Variants in SLC4A10 observed in about 807,000 individuals in gnomAD.
The protein encoded by SLC4A10 is sodium-driven chloride bicarbonate exchanger.
A neutral mutation model predicts 137.7 loss-of-function variants in SLC4A10; 42 were observed. The observed-to-expected ratio is 0.30, with a 90% CI of 0.24 to 0.39. The LOEUF (loss-of-function observed/expected upper bound fraction) is 0.39, where lower values mean the gene tolerates loss of function less well. Ranked by LOEUF, SLC4A10 falls within the 10% of genes least tolerant of loss-of-function variation. The pLI is 1.00. For synonymous variants in SLC4A10, 474 were observed against 464.1 expected, an observed-to-expected ratio of 1.02 and a Z score of -0.27; for missense variants, 925 against 1,355.0, an observed-to-expected ratio of 0.68 and a Z score of 4.98.
intron 1 of SLC4A10, among the ~76,000 whole-genome samples, chr2:161,638,935 A>T (rs2034871784): frequency 6.6e-6 from 1 of 152,034 alleles, no homozygotes; most frequent in Non-Finnish European, 1.5e-5. Context: ...AAATAAATAA[A>T]ATCAGAGATA....
Position 161,983,353 on chromosome 2 carries a change from C to A in SLC4A10, c.*201C>A. Reference sequence around the variant, plus strand: ...ATTCTGTCCCTCAACCCAAATCCACCTTCATACTGTAAGTAGTGCAATACT... The same window carrying A: ...ATTCTGTCCCTCAACCCAAATCCACATTCATACTGTAAGTAGTGCAATACT... On this transcript the variant is annotated 3_prime_UTR_variant, in exon 27 of 27. Transcript: ENST00000446997. 1.1e-6 allele frequency: 1 copy of A among 948,674 alleles called. No individual in the cohort carries two copies. The highest frequency in any genetic ancestry group is 1.6e-6 in the Non-Finnish European group (1 of 634,930). 58.8% of individuals were successfully genotyped at this position (948,674 alleles called of 1,614,324 possible).
At chr2:161,878,576 T>A (rs1443841113) in intron 8 of SLC4A10, among the ~76,000 whole-genome samples, 1 of 152,102 alleles carries the variant, frequency 6.6e-6, no homozygotes, top group Non-Finnish European at 1.5e-5. Context: ...CATATCTAAA[T>A]TCTCAGATGA....
chr2:161,897,859 A>T (rs1356457811), intron 11 of SLC4A10, among the ~76,000 whole-genome samples: 6 of 152,136 alleles, frequency 3.9e-5, no homozygotes, highest in Non-Finnish European at 7.4e-5. Context: ...AAATATTAAT[A>T]CATTCAGAAT....
At position 161,756,012 on chromosome 2, in the gene SLC4A10, A is replaced by AC. The variant is rs562929569; in HGVS notation, c.49-14955dup. ...TCTCGAACTCCTGACCTTGTGATCC[A>AC]CCCCCCTCAGCCTCCCAAAGTGCTG... On this transcript the variant is annotated intron_variant, in intron 1 of 26. Transcript: ENST00000446997. 6.4e-3 allele frequency among the ~76,000 whole-genome samples: 962 copies of AC among 150,850 alleles called. 11 individuals carry two copies. The highest frequency in any genetic ancestry group is 0.022 in the African/African-American group (903 of 41,074).
intron 2 of SLC4A10, among the ~76,000 whole-genome samples, chr2:161,802,250 T>C (rs1227219112): frequency 6.6e-6 from 1 of 152,096 alleles, no homozygotes; most frequent in Non-Finnish European, 1.5e-5. Flanking sequence ...CATCCGTTCT[T>C]AAAATATACA....
At chr2:161,966,269 A>G (rs11901687) in intron 23 of SLC4A10, among the ~76,000 whole-genome samples, 1 of 152,058 alleles carries the variant, frequency 6.6e-6, no homozygotes, top group Non-Finnish European at 1.5e-5. Flanking sequence ...CCACAGATAG[A>G]GATTCATCAT....
chr2:161,785,815 A>G (rs2053561222), intron 2 of SLC4A10, among the ~76,000 whole-genome samples: 1 of 151,986 alleles, frequency 6.6e-6, no homozygotes, highest in South Asian at 2.1e-4. Context: ...CTTCCATTCA[A>G]CATAGTACTA....
At chr2:161,794,668 G>A (rs2054563728) in intron 2 of SLC4A10, among the ~76,000 whole-genome samples, 1 of 152,080 alleles carries the variant, frequency 6.6e-6, no homozygotes, top group African/African-American at 2.4e-5. Context: ...AGGTTGTTCC[G>A]TCTCTATGTT....
At chr2:161,926,712 A>G (rs1433081719) in intron 15 of SLC4A10, among the ~76,000 whole-genome samples, 1 of 147,640 alleles carries the variant, frequency 6.8e-6, no homozygotes, top group Non-Finnish European at 1.5e-5. Context: ...GTTCCTCTCC[A>G]TGTTTAGTGC....
At chr2:161,966,383 A>G (rs1307466469) in intron 23 of SLC4A10, among the ~76,000 whole-genome samples, 1 of 152,196 alleles carries the variant, frequency 6.6e-6, no homozygotes, top group Non-Finnish European at 1.5e-5. Flanking sequence ...AACACAAAAA[A>G]TGATATTATA....
Position 161,855,140 on chromosome 2 carries a change from T to C in SLC4A10, c.577+10T>C. The C allele has an allele frequency of 6.2e-7, 1 of 1,602,710 alleles. No homozygotes were observed. The highest frequency in any genetic ancestry group is 1.7e-5 in the Admixed American group (1 of 58,512). ...TTAGAAGAAATTGCAGGTATATCTT[T>C]TCCCCCTTAGTGTATTTTATAGGTA... is the stretch of plus-strand genomic sequence containing the variant. On this transcript the variant is annotated intron_variant, in intron 5 of 26. Transcript: ENST00000446997.
intron 12 of SLC4A10, 66 bp from the exon 13 acceptor site, chr2:161,903,938 T>C (rs1176861630): frequency 1.4e-6 from 2 of 1,463,388 alleles, no homozygotes; most frequent in Admixed American, 2.3e-5. Context: ...ACAAAGCAAA[T>C]GAGCATTTTG....
At chr2:161,838,491 A>T (rs1474254051) in intron 3 of SLC4A10, among the ~76,000 whole-genome samples, 5 of 152,210 alleles carry the variant, frequency 3.3e-5, no homozygotes, top group Admixed American at 1.3e-4. Context: ...ATCAAAATTT[A>T]AAACTTTTCC....
chr2:161,735,767 CA>C (rs2047279932), intron 1 of SLC4A10, among the ~76,000 whole-genome samples: 1 of 152,112 alleles, frequency 6.6e-6, no homozygotes, highest in African/African-American at 2.4e-5. Flanking sequence ...AGCTGGTGAT[CA>C]AAGCACTGAG....
At chr2:161,826,841 A>G (rs919097696) in intron 3 of SLC4A10, among the ~76,000 whole-genome samples, 2 of 152,166 alleles carry the variant, frequency 1.3e-5, no homozygotes, top group African/African-American at 2.4e-5. Context: ...TTCCAGTGCT[A>G]TTGAAAATTA....
chr2:161,714,780 T>C (rs2044665161), intron 1 of SLC4A10, among the ~76,000 whole-genome samples: 1 of 152,028 alleles, frequency 6.6e-6, no homozygotes, highest in Non-Finnish European at 1.5e-5. Context: ...CTCTCTTTTC[T>C]TCAGTGTTTT....
chr2:161,696,126 TTG>T (rs2042473469), intron 1 of SLC4A10, among the ~76,000 whole-genome samples: 1 of 148,868 alleles, frequency 6.7e-6, no homozygotes, highest in Admixed American at 6.7e-5. Context: ...AGTGTTCTCA[TTG>T]TTCAATTCCC....
At chr2:161,767,033 A>ACTG in intron 1 of SLC4A10, among the ~76,000 whole-genome samples, 1 of 144,542 alleles carries the variant, frequency 6.9e-6, no homozygotes, top group East Asian at 2.1e-4. Context: ...ACCTGAAAGT[A>ACTG]CTGATTTGTA....
intron 3 of SLC4A10, among the ~76,000 whole-genome samples, chr2:161,837,704 A>G (rs778537567): frequency 1.3e-5 from 2 of 152,220 alleles, no homozygotes; most frequent in Non-Finnish European, 2.9e-5. Context: ...CTCTAAAGCT[A>G]TAGTAATCAA....
Sources: gnomAD v4.1 joint callset for allele counts (sites outside exome capture counted in the v4.1 genomes callset) on GRCh38, gnomAD v4.1.1 for gene constraint, MANE v1.5 for transcripts, NCBI Gene and HGNC (gene_info 2026-07-23, HGNC 2026-07-21) for gene names.